CCNY: variants seen among roughly 807,000 people sequenced by gnomAD.
CCNY encodes cyclin-Y.
In CCNY, 19 loss-of-function variants were observed where a neutral mutation model predicts 42.8. The ratio of observed to expected loss-of-function variants is 0.44; its 90% CI spans 0.31 to 0.65. The LOEUF is 0.65. Among genes scored for constraint, CCNY ranks in the 30% least tolerant of loss-of-function variants. The pLI, the probability that CCNY is intolerant of heterozygous loss-of-function variation, is 0.07. For missense variants in CCNY, 370 were observed against 437.3 expected (o/e 0.85, Z 1.37); for synonymous variants, 165 against 162.7 (o/e 1.01, Z -0.11).
intron 1 of CCNY, among the ~76,000 whole-genome samples, chr10:35,352,199 G>C (rs1836444082): frequency 6.6e-6 from 1 of 152,172 alleles, no homozygotes; most frequent in African/African-American, 2.4e-5. Context: ...CAGTTCTTCA[G>C]TTTGACATTC....
At chr10:35,368,463 A>C (rs1836856927) in intron 1 of CCNY, among the ~76,000 whole-genome samples, 1 of 152,244 alleles carries the variant, frequency 6.6e-6, no homozygotes, top group African/African-American at 2.4e-5. Context: ...TCTGCTACCA[A>C]GTGCTCATGT....
At chr10:35,383,134 G>A (rs2135196508) in intron 1 of CCNY, among the ~76,000 whole-genome samples, 1 of 152,274 alleles carries the variant, frequency 6.6e-6, no homozygotes. Flanking sequence ...CTCCGATGGG[G>A]AGACTTGAGC....
At chr10:35,317,034 T>C (rs563491550) in intron 3 of CCNY, among the ~76,000 whole-genome samples, 1 of 152,202 alleles carries the variant, frequency 6.6e-6, no homozygotes, top group Non-Finnish European at 1.5e-5. Context: ...TTAGTAGAGA[T>C]GGGGGTTTCA....
At chr10:35,486,197 C>T (rs1839784530) in intron 2 of CCNY, among the ~76,000 whole-genome samples, 1 of 152,210 alleles carries the variant, frequency 6.6e-6, no homozygotes, top group African/African-American at 2.4e-5. Flanking sequence ...CTCCTCTTCT[C>T]ACAGGTGGGC....
At chr10:35,512,772 C>G (rs2135403673) in intron 3 of CCNY, among the ~76,000 whole-genome samples, 1 of 152,124 alleles carries the variant, frequency 6.6e-6, no homozygotes, top group Admixed American at 6.5e-5. Flanking sequence ...TTCTGTGACT[C>G]AAACTCCCTG....
chr10:35,465,928 AGAGAGAGAGAGT>A (rs1839251622), intron 1 of CCNY, among the ~76,000 whole-genome samples: 1 of 140,792 alleles, frequency 7.1e-6, no homozygotes, highest in African/African-American at 2.8e-5. Context: ...AGAGAGAGAG[AGAGAGAGAGAGT>A]GTGTGTGTGT....
intron 3 of CCNY, among the ~76,000 whole-genome samples, chr10:35,516,279 A>G (rs1056639841): frequency 2.0e-5 from 3 of 152,214 alleles, no homozygotes; most frequent in Admixed American, 6.5e-5. Flanking sequence ...GCAAGAGTTT[A>G]CTGTTCTCCT....
In CCNY at chr10:35,470,508, T is replaced by C. The variant is rs182814548; in HGVS notation, c.155-12896T>C. On this transcript the variant is annotated intron_variant, in intron 1 of 9. Transcript: ENST00000374704. ...ACAGAGACACACACTTGCAAAGACA[T>C]ACACGGAGATCACCTGCAGGGGCAC... Among the ~76,000 whole-genome samples the C allele has an allele frequency of 1.4e-3, 206 of 152,246 alleles. 2 individuals are homozygous for C. Among genetic ancestry groups the C allele is most frequent in the Non-Finnish European group, 2.2e-3 (153 of 68,006 alleles).
intron 9 of CCNY, among the ~76,000 whole-genome samples, chr10:35,566,630 G>A (rs1018532280): frequency 1.3e-5 from 2 of 151,498 alleles, no homozygotes; most frequent in African/African-American, 2.4e-5. Context: ...GACGTGAGCC[G>A]CTGTGCCTGG....
intron 1 of CCNY, among the ~76,000 whole-genome samples, chr10:35,445,900 T>C (rs977539235): frequency 6.6e-6 from 1 of 152,246 alleles, no homozygotes; most frequent in African/African-American, 2.4e-5. Flanking sequence ...TACTTTTTTT[T>C]CTGAACCATT....
intron 7 of CCNY, among the ~76,000 whole-genome samples, chr10:35,546,708 A>C (rs1841123062): frequency 1.3e-5 from 2 of 152,282 alleles, no homozygotes; most frequent in South Asian, 4.1e-4. Context: ...GTGTTGTCTG[A>C]TTGCTTCAGT....
intron 3 of CCNY, among the ~76,000 whole-genome samples, chr10:35,299,766 A>G (rs1835511387): frequency 6.6e-6 from 1 of 152,210 alleles, no homozygotes; most frequent in African/African-American, 2.4e-5. Flanking sequence ...AATTACTGAT[A>G]CGGTTAGGTT....
rs551533358 is a variant in CCNY, at chr10:35,260,215, A to G, written c.-9+9589A>G. Among the ~76,000 whole-genome samples, 10 of 152,216 alleles carry G rather than the reference A, an allele frequency of 6.6e-5. No homozygotes were observed. The South Asian group carries it at 8.3e-4, about 13-fold the overall frequency. On this transcript the variant is annotated intron_variant, in intron 3 of 11. Coordinates refer to the CCNY transcript ENST00000374706. ...CATGACCAAGGCATTTGATGAACTC[A>G]TTCCTGCCAGCTCTTCTCAGAGTCT... is the stretch of plus-strand genomic sequence containing the variant.
chr10:35,413,252 C>T lies in CCNY; in HGVS notation c.155-70152C>T, dbSNP rs140594594. 2.9e-4 allele frequency among the ~76,000 whole-genome samples: 44 copies of T among 152,070 alleles called. No individual in the cohort carries two copies. The East Asian group carries it at 6.8e-3, about 23-fold the overall frequency. ...AGGAAAAGGTCGGACACATTCCAGACATATTTAGGGGTGGAGGTGGTTGGA... is the reference window on the plus strand; with the variant it reads ...AGGAAAAGGTCGGACACATTCCAGATATATTTAGGGGTGGAGGTGGTTGGA... On this transcript the variant is annotated intron_variant, in intron 1 of 9. Transcript: ENST00000374704.
chr10:35,359,455 A>G (rs980834230), intron 1 of CCNY, among the ~76,000 whole-genome samples: 3 of 152,134 alleles, frequency 2.0e-5, no homozygotes, highest in Admixed American at 1.3e-4. Flanking sequence ...AATTTGTGGT[A>G]TAATATAACA....
At chr10:35,536,703 T>C (rs1040201030) in intron 7 of CCNY, among the ~76,000 whole-genome samples, 5 of 152,168 alleles carry the variant, frequency 3.3e-5, no homozygotes, top group Non-Finnish European at 7.3e-5. Context: ...CAGTAGAGAT[T>C]TGTGGAACTT....
intron 1 of CCNY, among the ~76,000 whole-genome samples, chr10:35,428,643 C>T (rs1767140929): frequency 6.6e-6 from 1 of 152,112 alleles, no homozygotes; most frequent in Admixed American, 6.5e-5. Flanking sequence ...ACAGACAGAG[C>T]TGGCAGGCTC....
intron 1 of CCNY, among the ~76,000 whole-genome samples, chr10:35,364,323 G>A (rs1037551134): frequency 4.6e-5 from 7 of 152,180 alleles, no homozygotes; most frequent in South Asian, 2.1e-4. Context: ...CTTCTTTTTG[G>A]TTATTCTTAC....
chr10:35,377,161 A>T (rs149750931), intron 1 of CCNY, among the ~76,000 whole-genome samples: 1,847 of 152,252 alleles, frequency 0.012, 25 homozygotes, highest in African/African-American at 0.026. Flanking sequence ...TTTTTAAAAA[A>T]ATATATATTT....
Sources: allele counts gnomAD v4.1 joint callset (sites outside exome capture counted in the v4.1 genomes callset), GRCh38; gene constraint gnomAD v4.1.1; transcripts MANE v1.5; gene names NCBI Gene and HGNC (gene_info 2026-07-23, HGNC 2026-07-21).